BCAS3: variants seen among roughly 807,000 people sequenced by gnomAD.
The protein encoded by BCAS3 is BCAS4/BCAS3 fusion.
Under a neutral mutation model 116.1 loss-of-function variants are expected in BCAS3, and 53 were observed. That is an observed-to-expected ratio of 0.46 (90% CI 0.37 to 0.57). The LOEUF is 0.57. Ranked by LOEUF, BCAS3 falls within the 20% of genes least tolerant of loss-of-function variation. The pLI is 0.00. For synonymous variants in BCAS3, 391 were observed against 408.2 expected, an observed-to-expected ratio of 0.96 and a Z score of 0.51; for missense variants, 917 against 1,165.4, an observed-to-expected ratio of 0.79 and a Z score of 3.10.
chr17:60,928,206 AC>A (rs1318239005), intron 13 of BCAS3, among the ~76,000 whole-genome samples: 2 of 152,118 alleles, frequency 1.3e-5, no homozygotes, highest in Non-Finnish European at 2.9e-5. Context: ...AGGAAGGAAA[AC>A]CCTTTGTGGA....
At chr17:60,916,470 G>A (rs1213892360) in intron 12 of BCAS3, among the ~76,000 whole-genome samples, 1 of 152,066 alleles carries the variant, frequency 6.6e-6, no homozygotes, top group East Asian at 1.9e-4. Flanking sequence ...CTTAAAAATG[G>A]CAAAAAGTTT....
Position 61,029,266 on chromosome 17 carries a change from A to G in BCAS3, c.1638-5400A>G, listed in dbSNP as rs2066465639. On this transcript the variant is annotated intron_variant, in intron 16 of 23. Transcript: ENST00000407086. This position sits in a 1 kb window ranked among gnomAD's most constrained non-coding sequence, Gnocchi z 5.2. ...AATTTCTGCTAGTTCTTTATTCTCC[A>G]TTAAACAGGTTTAGTCCTTTACATT... 6.6e-6 allele frequency among the ~76,000 whole-genome samples: 1 copy of G among 151,942 alleles called. No homozygotes were observed. Among genetic ancestry groups the G allele is most frequent in the Non-Finnish European group, 1.5e-5 (1 of 67,864 alleles).
intron 22 of BCAS3, among the ~76,000 whole-genome samples, chr17:61,360,809 A>G (rs1331389677): frequency 6.6e-6 from 1 of 152,258 alleles, no homozygotes; most frequent in Non-Finnish European, 1.5e-5. Flanking sequence ...GTGGAACACC[A>G]TTCTACCCAT....
intron 13 of BCAS3, among the ~76,000 whole-genome samples, chr17:60,939,869 A>C (rs1189059174): frequency 6.6e-6 from 1 of 152,216 alleles, no homozygotes; most frequent in East Asian, 1.9e-4. Flanking sequence ...TATTCTCAAC[A>C]ACCTGAAAAA....
intron 14 of BCAS3, among the ~76,000 whole-genome samples, chr17:60,979,908 T>C (rs2062682200): frequency 6.6e-6 from 1 of 152,074 alleles, no homozygotes; most frequent in South Asian, 2.1e-4. Flanking sequence ...CAGTATTTTA[T>C]TGAGGATTTT....
Position 61,356,792 on chromosome 17 carries a change from A to T in BCAS3, c.2426-11535A>T, listed in dbSNP as rs892317665. ...GAATCGTTTCTGCCATTTTTCACAC[A>T]CAAGTTGGTGCACATTCCTAATATG... On this transcript the variant is annotated intron_variant, in intron 22 of 23. Transcript: ENST00000407086. This position sits in a 1 kb window ranked among gnomAD's most constrained non-coding sequence, Gnocchi z 5.4. 3.9e-5 allele frequency: 6 copies of T among 152,248 alleles called. No individual in the cohort carries two copies. Among genetic ancestry groups the T allele is most frequent in the African/African-American group, 1.2e-4 (5 of 41,478 alleles). 9.4% of individuals were successfully genotyped at this position (152,248 alleles called of 1,614,324 possible).
chr17:60,917,595 AT>A (rs541536306), intron 12 of BCAS3, among the ~76,000 whole-genome samples: 115 of 146,082 alleles, frequency 7.9e-4, no homozygotes, highest in East Asian at 1.8e-3. Context: ...CCTTTTGCCA[AT>A]TTTTTTTTTT....
chr17:60,815,552 A>G (rs2049302439), intron 7 of BCAS3, among the ~76,000 whole-genome samples: 2 of 152,234 alleles, frequency 1.3e-5, no homozygotes, highest in South Asian at 4.1e-4. Context: ...TAAATAAAGT[A>G]ACAAAAAACA....
In BCAS3 at chr17:61,205,343, A is replaced by T. The variant is rs1264384251; in HGVS notation, c.2425+120779A>T. The stretch of plus-strand genomic sequence containing the variant: ...AGCTGGACTTCCTGGTGGGCCTCCC[A>T]CATTGTCAACATCAGTACCATTTAT... On this transcript the variant is annotated intron_variant, in intron 22 of 23. Coordinates refer to ENST00000407086, the MANE Select transcript of BCAS3 (RefSeq NM_017679.5). The surrounding 1 kb of genome is among the most constrained non-coding windows in gnomAD (Gnocchi z 5.2). Among the ~76,000 whole-genome samples, 1 of 152,242 alleles carries T rather than the reference A, an allele frequency of 6.6e-6. No homozygotes were observed. The highest frequency in any genetic ancestry group is 1.5e-5 in the Non-Finnish European group (1 of 68,034).
intron 22 of BCAS3, among the ~76,000 whole-genome samples, chr17:61,183,272 T>C (rs2079581181): frequency 6.6e-6 from 1 of 152,134 alleles, no homozygotes; most frequent in South Asian, 2.1e-4. Context: ...CTGGGAAAAT[T>C]CGATGTGAAG....
At chr17:60,901,733 G>T (rs1323777178) in intron 10 of BCAS3, among the ~76,000 whole-genome samples, 1 of 152,172 alleles carries the variant, frequency 6.6e-6, no homozygotes, top group African/African-American at 2.4e-5. Context: ...AGAGGACCTG[G>T]TTTTAAACAA....
rs907402641 is a variant in BCAS3 at position 60,995,461 on chromosome 17, C to T, written c.1486+5226C>T. Among the ~76,000 whole-genome samples the T allele has an allele frequency of 1.3e-5, 2 of 151,874 alleles. No homozygotes were observed. Among genetic ancestry groups the T allele is most frequent in the African/African-American group, 2.4e-5 (1 of 41,342 alleles). On this transcript the variant is annotated intron_variant, in intron 15 of 23. Transcript: ENST00000407086. The surrounding 1 kb of genome is among the most constrained non-coding windows in gnomAD (Gnocchi z 4.7). ...ACAGACATGAGCCACCGCGCCCAGC[C>T]GAATTTTTGTATTTTAAGTAGAGAC...
At chr17:60,854,251 G>A (rs1366329230) in intron 7 of BCAS3, among the ~76,000 whole-genome samples, 1 of 152,134 alleles carries the variant, frequency 6.6e-6, no homozygotes, top group Non-Finnish European at 1.5e-5. Flanking sequence ...TGGCTGCATA[G>A]TATTCCATGG....
rs544394243 is a variant in BCAS3, at chr17:60,804,515, A to G, written c.404-3489A>G. ...ACACACACAAAAAACAAAAGGTAGT[A>G]TATTATTCTGTATCTTCCTATGGTT... On this transcript the variant is annotated intron_variant, in intron 6 of 23. Transcript: ENST00000407086. Among the ~76,000 whole-genome samples the G allele has an allele frequency of 5.9e-5, 9 of 152,150 alleles. No individual in the cohort carries two copies. The East Asian group carries it at 1.7e-3, about 30-fold the overall frequency.
intron 22 of BCAS3, among the ~76,000 whole-genome samples, chr17:61,093,069 G>T (rs184627983): frequency 6.6e-6 from 1 of 151,694 alleles, no homozygotes; most frequent in East Asian, 1.9e-4. Context: ...ACCACGCCCA[G>T]CTAATTTTTT....
chr17:61,074,896 A>G (rs1314583816), intron 19 of BCAS3, 24 bp from the exon 20 acceptor site: 1 of 1,545,632 alleles, frequency 6.5e-7, no homozygotes, highest in African/African-American at 1.4e-5. Flanking sequence ...GAAGTGGTTT[A>G]AATCTATTTT....
chr17:60,776,095 C>T (rs2045256455), intron 6 of BCAS3, among the ~76,000 whole-genome samples: 1 of 152,030 alleles, frequency 6.6e-6, no homozygotes, highest in African/African-American at 2.4e-5. Context: ...GACTTATTTC[C>T]CTCTGTATGG....
At chr17:60,981,905 T>C (rs1228999957) in intron 14 of BCAS3, among the ~76,000 whole-genome samples, 1 of 152,240 alleles carries the variant, frequency 6.6e-6, no homozygotes, top group Non-Finnish European at 1.5e-5. Flanking sequence ...TGGCTTTATA[T>C]TTATAGTACT....
At chr17:61,299,772 G>C (rs1202045790) in intron 22 of BCAS3, among the ~76,000 whole-genome samples, 1 of 152,236 alleles carries the variant, frequency 6.6e-6, no homozygotes, top group Non-Finnish European at 1.5e-5. Context: ...TGACAGCATA[G>C]TTCAGCAAAA....
Sources: allele counts gnomAD v4.1 joint callset (sites outside exome capture counted in the v4.1 genomes callset), GRCh38; gene constraint gnomAD v4.1.1; non-coding constraint Gnocchi (gnomAD v3.1); transcripts MANE v1.5; gene names NCBI Gene and HGNC (gene_info 2026-07-23, HGNC 2026-07-21).